Variants in TMEM45A observed in about 807,000 individuals in gnomAD.
TMEM45A encodes the protein transmembrane protein 45A, also known as DNA polymerase-transactivated protein 4.
A neutral mutation model predicts 32.0 loss-of-function variants in TMEM45A; 25 were observed. The ratio of observed to expected loss-of-function variants is 0.78; its 90% confidence interval spans 0.57 to 1.09. The LOEUF (loss-of-function observed/expected upper bound fraction) is 1.09, where lower values mean the gene tolerates loss of function less well. Among genes scored for constraint, TMEM45A ranks in the 50% least tolerant of loss-of-function variants. The pLI is 0.00. For missense variants in TMEM45A, 302 were observed against 325.0 expected (o/e 0.93, Z 0.54); for synonymous variants, 122 against 114.8 (o/e 1.06, Z -0.40).
chr3:100,499,319 G>A (rs1707978575), intron 1 of TMEM45A, among the ~76,000 whole-genome samples: 1 of 151,976 alleles, frequency 6.6e-6, no homozygotes, highest in African/African-American at 2.4e-5. Context: ...GAATTTTATA[G>A]TTTTAGCTCA....
chr3:100,535,833 G>T (rs1314679709), intron 1 of TMEM45A, among the ~76,000 whole-genome samples: 2 of 152,122 alleles, frequency 1.3e-5, no homozygotes, highest in African/African-American at 4.8e-5. Flanking sequence ...TGTTCTATTA[G>T]TTGCTGTACC....
intron 1 of TMEM45A, among the ~76,000 whole-genome samples, chr3:100,547,131 C>CT (rs1204956807): frequency 6.0e-5 from 9 of 151,250 alleles, no homozygotes; most frequent in East Asian, 1.9e-4. Flanking sequence ...TATTTTTTTT[C>CT]TTTTTTTTGA....
At chr3:100,514,375 A>T (rs1708223519) in intron 1 of TMEM45A, among the ~76,000 whole-genome samples, 1 of 152,208 alleles carries the variant, frequency 6.6e-6, no homozygotes, top group Non-Finnish European at 1.5e-5. Flanking sequence ...AGCAATGGGG[A>T]AAGGATTCCC....
intron 1 of TMEM45A, among the ~76,000 whole-genome samples, chr3:100,540,748 A>G (rs1274207876): frequency 1.3e-5 from 2 of 152,240 alleles, no homozygotes; most frequent in East Asian, 3.8e-4. Context: ...CTGCACATAA[A>G]TATGAATAGC....
chr3:100,546,574 A>G lies in TMEM45A; in HGVS notation c.-3-8635A>G, dbSNP rs57054658. Among the ~76,000 whole-genome samples, 11 of 152,340 alleles carry G rather than the reference A, an allele frequency of 7.2e-5. No individual in the cohort carries two copies. In the East Asian group the frequency reaches 2.1e-3, roughly 29 times the overall value. On this transcript the variant is annotated intron_variant, in intron 1 of 5. Transcript: ENST00000323523. Reference sequence around the variant, plus strand: ...CTAGACCTTTGTCAATCCATGACAAATGAATGACAAAGACCAGTTTTCCTT... The same window carrying G: ...CTAGACCTTTGTCAATCCATGACAAGTGAATGACAAAGACCAGTTTTCCTT...
At chr3:100,547,196 ACTGC>A in intron 1 of TMEM45A, among the ~76,000 whole-genome samples, 1 of 152,084 alleles carries the variant, frequency 6.6e-6, no homozygotes, top group Admixed American at 6.5e-5. Flanking sequence ...ATCTTGGCTC[ACTGC>A]AACCTCCGCC....
chr3:100,557,066 C>A, intron 3 of TMEM45A, 94 bp downstream of exon 3: 3 of 1,382,124 alleles, frequency 2.2e-6, no homozygotes, highest in Non-Finnish European at 1.0e-6. Flanking sequence ...CTTGTTGCAG[C>A]CTTGATTGAT....
intron 1 of TMEM45A, among the ~76,000 whole-genome samples, chr3:100,506,444 C>T (rs1708081848): frequency 6.6e-6 from 1 of 152,124 alleles, no homozygotes; most frequent in African/African-American, 2.4e-5. Context: ...TGGAAACACA[C>T]CACTCTCCCT....
At chr3:100,526,624 T>G (rs1026359404) in intron 1 of TMEM45A, among the ~76,000 whole-genome samples, 1 of 152,176 alleles carries the variant, frequency 6.6e-6, no homozygotes, top group Non-Finnish European at 1.5e-5. Context: ...GTTCTTTAGA[T>G]AGTACTGCAG....
chr3:100,550,969 A>T (rs754061295), intron 1 of TMEM45A, among the ~76,000 whole-genome samples: 1 of 147,342 alleles, frequency 6.8e-6, no homozygotes, highest in Non-Finnish European at 1.5e-5. Flanking sequence ...GAAACCAATG[A>T]TGAAATCTTT....
chr3:100,570,461 T>A (rs182072567), intron 5 of TMEM45A: 1 of 152,458 alleles, frequency 6.6e-6, no homozygotes, highest in African/African-American at 2.4e-5. Flanking sequence ...AGTTGCTTCC[T>A]TCTAGAGTTC....
At chr3:100,550,478 T>C (rs1197131483) in intron 1 of TMEM45A, among the ~76,000 whole-genome samples, 2 of 152,242 alleles carry the variant, frequency 1.3e-5, no homozygotes, top group Admixed American at 6.5e-5. Context: ...TTTTGAAGTA[T>C]GAGTCACTAA....
chr3:100,526,230 T>G (rs1361213608), intron 1 of TMEM45A, among the ~76,000 whole-genome samples: 1 of 152,208 alleles, frequency 6.6e-6, no homozygotes, highest in Non-Finnish European at 1.5e-5. Context: ...TCTCTCACTT[T>G]TCACCTTTAC....
chr3:100,515,099 C>T (rs1324438052), intron 1 of TMEM45A, among the ~76,000 whole-genome samples: 5 of 148,302 alleles, frequency 3.4e-5, no homozygotes, highest in Non-Finnish European at 7.5e-5. Flanking sequence ...ACTAGAAATA[C>T]CATTTGACCC....
chr3:100,538,516 C>A (rs1233755804), intron 1 of TMEM45A, among the ~76,000 whole-genome samples: 1 of 152,110 alleles, frequency 6.6e-6, no homozygotes, highest in Admixed American at 6.5e-5. Flanking sequence ...CAAAATGTCC[C>A]GTGTCATCAC....
At chr3:100,518,578 C>G (rs973773959) in intron 1 of TMEM45A, among the ~76,000 whole-genome samples, 2 of 152,246 alleles carry the variant, frequency 1.3e-5, no homozygotes, top group African/African-American at 4.8e-5. Context: ...GCACTCCACA[C>G]TCATTCCAGC....
At chr3:100,493,670 T>C (rs2148919687) in intron 1 of TMEM45A, among the ~76,000 whole-genome samples, 1 of 152,226 alleles carries the variant, frequency 6.6e-6, no homozygotes, top group African/African-American at 2.4e-5. Context: ...ATATGGTGTA[T>C]ATGCTCTATG....
At chr3:100,563,572 C>G (rs1174936416) in intron 4 of TMEM45A, among the ~76,000 whole-genome samples, 2 of 152,152 alleles carry the variant, frequency 1.3e-5, no homozygotes, top group African/African-American at 2.4e-5. Context: ...CTAAAATTCT[C>G]CTTTCTACAC....
chr3:100,528,136 A>G (rs886472770), intron 1 of TMEM45A, among the ~76,000 whole-genome samples: 3 of 152,232 alleles, frequency 2.0e-5, no homozygotes, highest in East Asian at 1.9e-4. Flanking sequence ...GTTGCTAAGT[A>G]TGGTCACTCT....
Sources: gnomAD v4.1 joint callset for allele counts (sites outside exome capture counted in the v4.1 genomes callset) on GRCh38, gnomAD v4.1.1 for gene constraint, MANE v1.5 for transcripts, NCBI Gene and HGNC (gene_info 2026-07-23, HGNC 2026-07-21) for gene names.